The following PDCD2 variants were observed in gnomAD, a reference collection of about 807,000 sequenced individuals.
The protein encoded by PDCD2 is programmed cell death 2.
Under a neutral mutation model 38.1 loss-of-function variants are expected in PDCD2, and 38 were observed. The observed-to-expected ratio is 1.00, with a 90% CI of 0.77 to 1.31. The LOEUF is 1.31. Ranked by LOEUF, PDCD2 falls within the 50% of genes most tolerant of loss-of-function variation. The probability of loss-of-function intolerance (pLI) is 0.00; values close to 1 mark genes in which losing one functional copy is unlikely to be tolerated. For synonymous variants in PDCD2, 205 were observed against 168.9 expected, an observed-to-expected ratio of 1.21 and a Z score of -1.66; for missense variants, 473 against 435.7, an observed-to-expected ratio of 1.09 and a Z score of -0.76.
Position 170,584,400 on chromosome 6 carries a change from A to G in PDCD2, c.182T>C (p.Leu61Pro). 1 of 1,437,216 alleles carries G rather than the reference A, an allele frequency of 7.0e-7. No individual in the cohort carries two copies. The highest frequency in any genetic ancestry group is 2.6e-5 in the Admixed American group (1 of 38,308). 89.0% of individuals were successfully genotyped at this position (1,437,216 alleles called of 1,614,324 possible). A position where few individuals can be genotyped will look rare whatever the true frequency, so the allele number is the denominator to read the frequency against. ...CELCGRPLSFLLQVYAPLPGR... is the reference protein window; with the variant it reads ...CELCGRPLSFPLQVYAPLPGR... Reference sequence around the variant, plus strand: ...AGGCAGCGGCGCATACACCTGCAGCAGGAAGGAGAGCGGGCGGCCGCACAG... The same window carrying G: ...AGGCAGCGGCGCATACACCTGCAGCGGGAAGGAGAGCGGGCGGCCGCACAG... Residue 61 changes from leucine to proline, a missense_variant, in exon 1 of 6, where the codon CTG becomes CCG. Transcript: ENST00000541970.
At chr6:170,582,399 G>A in intron 3 of PDCD2, 1 of 1,505,604 alleles carries the variant, frequency 6.6e-7, no homozygotes, top group East Asian at 2.5e-5. Context: ...TGGTGGTTTT[G>A]TGTATGGCTC....
At position 170,584,629 on chromosome 6, in the gene PDCD2, G is replaced by C; in HGVS notation, c.-48C>G. ...GCGCAGCCCACAGCTGGGTCGGAAG[G>C]CGGAAATCGGGCGCCGGGCCGGAAG... is the stretch of plus-strand genomic sequence containing the variant. On this transcript the variant is annotated 5_prime_UTR_variant, in exon 1 of 6. Coordinates refer to ENST00000541970, the MANE Select transcript of PDCD2 (RefSeq NM_002598.4). The C allele has an allele frequency of 8.9e-7, 1 of 1,124,630 alleles. No homozygotes were observed. Among genetic ancestry groups the C allele is most frequent in the South Asian group, 3.3e-5 (1 of 30,638 alleles). The allele number at this position is 1,124,630 out of a possible 1,614,324, so 69.7% of individuals were successfully genotyped here. A position where few individuals can be genotyped will look rare whatever the true frequency, so the allele number is the denominator to read the frequency against.
At chr6:170,582,098 A>ACG in intron 3 of PDCD2, 1 of 1,528,186 alleles carries the variant, frequency 6.5e-7, no homozygotes, top group East Asian at 2.5e-5. Flanking sequence ...GCATGAACAC[A>ACG]CGCGCGGCCC....
At chr6:170,582,955 A>G in intron 3 of PDCD2, 102 bp downstream of exon 3, 2 of 1,515,910 alleles carry the variant, frequency 1.3e-6, no homozygotes, top group South Asian at 1.3e-5. Context: ...ACAGCCTCCA[A>G]AGTGAGTCTT....
intron 3 of PDCD2, chr6:170,581,946 A>G (rs1562368624): frequency 7.9e-6 from 4 of 507,838 alleles, no homozygotes; most frequent in Non-Finnish European, 1.3e-5. Context: ...CCATAATCTT[A>G]AAATACTCAT....
chr6:170,577,950 G>A (rs550708592), intron 5 of PDCD2, among the ~76,000 whole-genome samples: 1 of 152,272 alleles, frequency 6.6e-6, no homozygotes, highest in South Asian at 2.1e-4. Flanking sequence ...ACAAGTGGCT[G>A]TTAATGAATT....
Position 170,576,484 on chromosome 6 carries a change from TC to T in PDCD2, c.*1074del, listed in dbSNP as rs1190566463. ...TTAGCCGTCAGTATTCAAGCACTGA[TC>T]AACAGCAATGTGTCTTAAGGGCAGG... On this transcript the variant is annotated 3_prime_UTR_variant, in exon 6 of 6. Coordinates refer to ENST00000541970, the MANE Select transcript of PDCD2 (RefSeq NM_002598.4). The T allele has an allele frequency of 2.0e-5, 3 of 152,346 alleles. No individual in the cohort carries two copies. The East Asian group carries it at 5.8e-4, about 29-fold the overall frequency. The allele number at this position is 152,346 out of a possible 1,614,324, so 9.4% of individuals were successfully genotyped here. A position where few individuals can be genotyped will look rare whatever the true frequency, so the allele number is the denominator to read the frequency against.
Position 170,583,729 on chromosome 6 carries a change from G to A in PDCD2, c.302C>T (p.Pro101Leu). The A allele has an allele frequency of 1.2e-6, 2 of 1,609,396 alleles. No individual in the cohort carries two copies. Among genetic ancestry groups the A allele is most frequent in the East Asian group, 2.2e-5 (1 of 44,804 alleles). The change falls in exon 2 of 6, where the codon CCC (proline) becomes CTC (leucine). Residue 101 changes from proline to leucine, a missense_variant. Pro to Leu is a moderately conservative substitution (Grantham distance 98). Coordinates refer to ENST00000541970, the MANE Select transcript of PDCD2 (RefSeq NM_002598.4). ...ATATGAGTAAAAATCGTTTTTCCTG[G>A]GTAGTTGATTCCTAAAAACTAAAAA... ...AGLRVFRNQLPRKNDFYSYEP... is the reference protein window; with the variant it reads ...AGLRVFRNQLLRKNDFYSYEP...
intron 5 of PDCD2, among the ~76,000 whole-genome samples, 167 bp from the exon 6 acceptor site, chr6:170,577,884 G>T (rs1488224681): frequency 6.6e-6 from 1 of 152,208 alleles, no homozygotes; most frequent in African/African-American, 2.4e-5. Flanking sequence ...ACTTCCTTAT[G>T]ACTTCAAAGC....
intron 3 of PDCD2, chr6:170,582,295 G>C: frequency 6.6e-7 from 1 of 1,520,960 alleles, no homozygotes; most frequent in Non-Finnish European, 8.8e-7. Flanking sequence ...CAGGCACAGA[G>C]TAAGACTCAA....
chr6:170,576,263 T>C lies in PDCD2; in HGVS notation c.*1296A>G, dbSNP rs367749345. Reference sequence around the variant, plus strand: ...AATACAAATTGCATATGTATACTTATATAATATGGACTACTAGGACAGAAC... The same window carrying C: ...AATACAAATTGCATATGTATACTTACATAATATGGACTACTAGGACAGAAC... On this transcript the variant is annotated 3_prime_UTR_variant, in exon 6 of 6. Coordinates refer to ENST00000541970, the MANE Select transcript of PDCD2 (RefSeq NM_002598.4). 7 of 152,352 alleles carry C rather than the reference T, an allele frequency of 4.6e-5. No individual in the cohort carries two copies. The highest frequency in any genetic ancestry group is 2.1e-4 in the South Asian group (1 of 4,830). 9.4% of individuals were successfully genotyped at this position (152,352 alleles called of 1,614,324 possible).
chr6:170,582,881 G>A, intron 3 of PDCD2, 176 bp downstream of exon 3: 1 of 1,422,758 alleles, frequency 7.0e-7, no homozygotes, highest in African/African-American at 1.4e-5. Context: ...CACCTCTTAT[G>A]TGTCAGAAAA....
intron 3 of PDCD2, among the ~76,000 whole-genome samples, chr6:170,580,319 G>C (rs935524923): frequency 2.0e-5 from 3 of 152,126 alleles, no homozygotes; most frequent in African/African-American, 7.2e-5. Flanking sequence ...TAACAGAATG[G>C]TCAAGGGCTT....
At chr6:170,584,267 T>C (rs758309329) in intron 1 of PDCD2, 32 bp downstream of exon 1, 14 of 1,380,054 alleles carry the variant, frequency 1.0e-5, no homozygotes, top group Non-Finnish European at 1.0e-5. Flanking sequence ...GTCGGAGGCA[T>C]GGCCCCGTCC....
chr6:170,579,004 A>G, intron 4 of PDCD2, 34 bp from the exon 5 acceptor site: 2 of 1,308,686 alleles, frequency 1.5e-6, no homozygotes, highest in Non-Finnish European at 2.2e-6. Flanking sequence ...CAAATAATCA[A>G]TACCTTACCT....
In PDCD2 at chr6:170,577,728, G is replaced by C. The variant is rs371396187; in HGVS notation, c.877-11C>G. ...GAGCTGAGGCATGACCTGAGAAGAGGGTGACACACAGTTAGAAAGCTGCTT... is the reference window on the plus strand; with the variant it reads ...GAGCTGAGGCATGACCTGAGAAGAGCGTGACACACAGTTAGAAAGCTGCTT... On this transcript the variant is annotated splice_polypyrimidine_tract_variant and intron_variant, in intron 5 of 5. Transcript: ENST00000541970. 7.4e-6 allele frequency: 12 copies of C among 1,611,434 alleles called. No homozygotes were observed. In the African/African-American group the frequency reaches 1.6e-4, roughly 22 times the overall value.
chr6:170,579,112 C>G (rs1339168342), intron 4 of PDCD2, 142 bp from the exon 5 acceptor site: 2 of 590,764 alleles, frequency 3.4e-6, no homozygotes, highest in East Asian at 2.9e-5. Context: ...CCCATCAGAC[C>G]TGGCTGTACC....
Position 170,580,113 on chromosome 6 carries a change from A to C in PDCD2, c.659-8T>G. On this transcript the variant is annotated splice_polypyrimidine_tract_variant and splice_region_variant and intron_variant, in intron 3 of 5. Coordinates refer to ENST00000541970, the MANE Select transcript of PDCD2 (RefSeq NM_002598.4). ...CTTCCTCAAGTGCTTCACCTGAAAA[A>C]TCAACGTAACTATTATGAAAAACAG... 2 of 1,539,572 alleles carry C rather than the reference A, an allele frequency of 1.3e-6. No individual in the cohort carries two copies. The highest frequency in any genetic ancestry group is 2.2e-5 in the East Asian group (1 of 44,548).
intron 5 of PDCD2, chr6:170,578,473 C>T: frequency 3.3e-6 from 2 of 600,336 alleles, no homozygotes; most frequent in East Asian, 5.6e-5. Flanking sequence ...ACAGTAAAGA[C>T]TCCTCTCATA....
Sources: gnomAD v4.1 joint callset for allele counts (sites outside exome capture counted in the v4.1 genomes callset) on GRCh38, gnomAD v4.1.1 for gene constraint, MANE v1.5 for transcripts, NCBI Gene and HGNC (gene_info 2026-07-23, HGNC 2026-07-21) for gene names.